Variants in RCOR3 observed in about 807,000 individuals in gnomAD.
RCOR3 encodes REST corepressor 3.
Under a neutral mutation model 64.1 loss-of-function variants are expected in RCOR3, and 13 were observed. The ratio of observed to expected loss-of-function variants is 0.20; its 90% CI spans 0.13 to 0.32. RCOR3 has a LOEUF of 0.32. Ranked by LOEUF, RCOR3 falls within the 10% of genes least tolerant of loss-of-function variation. The probability of loss-of-function intolerance (pLI) is 1.00; values close to 1 mark genes in which losing one functional copy is unlikely to be tolerated. For synonymous variants in RCOR3, 215 were observed against 239.0 expected, an observed-to-expected ratio of 0.90 and a Z score of 0.93; for missense variants, 489 against 701.2, an observed-to-expected ratio of 0.70 and a Z score of 3.42.
chr1:211,299,053 A>G lies in RCOR3; in HGVS notation c.1017+3300A>G, dbSNP rs538197361. On this transcript the variant is annotated intron_variant, in intron 9 of 11. Transcript: ENST00000419091. Reference sequence around the variant, plus strand: ...CCAGAAAGAGAAGTTTGTCTTTTAAATTAAGTCAAATGGAAAGACCCTTTA... The same window carrying G: ...CCAGAAAGAGAAGTTTGTCTTTTAAGTTAAGTCAAATGGAAAGACCCTTTA... Among the ~76,000 whole-genome samples, 13 of 152,296 alleles carry G rather than the reference A, an allele frequency of 8.5e-5. No homozygotes were observed. In the South Asian group the frequency reaches 2.7e-3, roughly 32 times the overall value.
intron 2 of RCOR3, among the ~76,000 whole-genome samples, chr1:211,270,074 T>TA (rs1353848066): frequency 6.6e-6 from 1 of 151,548 alleles, no homozygotes; most frequent in Non-Finnish European, 1.5e-5. Context: ...GACTTTTTTT[T>TA]TTTTTTGAGA....
chr1:211,270,146 C>G (rs1287563307), intron 2 of RCOR3, among the ~76,000 whole-genome samples: 1 of 151,710 alleles, frequency 6.6e-6, no homozygotes, highest in Non-Finnish European at 1.5e-5. Context: ...CACTGGCAAC[C>G]TCTGCCTCCT....
intron 8 of RCOR3, among the ~76,000 whole-genome samples, chr1:211,292,289 T>C (rs1481572927): frequency 6.6e-6 from 1 of 152,244 alleles, no homozygotes; most frequent in African/African-American, 2.4e-5. Context: ...ACGCATCTCA[T>C]ATTTGGTTAA....
At chr1:211,290,437 A>C (rs148085766) in intron 8 of RCOR3, among the ~76,000 whole-genome samples, 73 of 152,326 alleles carry the variant, frequency 4.8e-4, no homozygotes, top group African/African-American at 1.7e-3. Context: ...AATTTCCTTT[A>C]AATCAATTCC....
chr1:211,288,374 T>C (rs933142430), intron 7 of RCOR3, among the ~76,000 whole-genome samples: 26 of 149,738 alleles, frequency 1.7e-4, no homozygotes, highest in Admixed American at 4.7e-4. Flanking sequence ...ATCATTGTTA[T>C]ACTTTTAACT....
In RCOR3 at chr1:211,312,646, G is replaced by A. The variant is rs1156756055; in HGVS notation, c.1076-74G>A. The A allele has an allele frequency of 1.0e-6, 1 of 981,286 alleles. No homozygotes were observed. The highest frequency in any genetic ancestry group is 2.4e-5 in the East Asian group (1 of 41,796). 60.8% of individuals were successfully genotyped at this position (981,286 alleles called of 1,614,324 possible). ...GAATTTCATTGCTGGTATCTTTTGT[G>A]TGTGCATGATGTATAGTACACACAG... On this transcript the variant is annotated intron_variant, in intron 10 of 11. Coordinates refer to ENST00000419091, the MANE Select transcript of RCOR3 (RefSeq NM_001136223.3). This position sits in a 1 kb window ranked among gnomAD's most constrained non-coding sequence, Gnocchi z 5.0.
At chr1:211,274,550 C>A (rs1052665196) in intron 4 of RCOR3, among the ~76,000 whole-genome samples, 2 of 151,914 alleles carry the variant, frequency 1.3e-5, no homozygotes, top group South Asian at 2.1e-4. Flanking sequence ...CAAATGCTTA[C>A]CAAAATGAAA....
chr1:211,290,068 T>C (rs1699057677), intron 8 of RCOR3, among the ~76,000 whole-genome samples: 1 of 152,230 alleles, frequency 6.6e-6, no homozygotes, highest in Non-Finnish European at 1.5e-5. Flanking sequence ...GCTCAGTTAT[T>C]CGTTGCTATT....
chr1:211,283,022 T>C (rs929482999), intron 7 of RCOR3, among the ~76,000 whole-genome samples: 1 of 152,248 alleles, frequency 6.6e-6, no homozygotes, highest in Non-Finnish European at 1.5e-5. Flanking sequence ...TTTTTATTGC[T>C]ATATTATAGT....
chr1:211,259,887 C>T (rs1693891564), intron 1 of RCOR3, 161 bp downstream of exon 1: 4 of 1,034,984 alleles, frequency 3.9e-6, no homozygotes, highest in South Asian at 1.8e-5. Flanking sequence ...CCCCCGCGAC[C>T]CCCCGTCCCT....
intron 7 of RCOR3, among the ~76,000 whole-genome samples, chr1:211,282,140 T>G (rs1430853354): frequency 9.2e-5 from 14 of 152,194 alleles, no homozygotes. Flanking sequence ...ACTCATTTGG[T>G]CTTTTGTTTG....
At chr1:211,284,143 T>G (rs1698205413) in intron 7 of RCOR3, among the ~76,000 whole-genome samples, 1 of 152,008 alleles carries the variant, frequency 6.6e-6, no homozygotes, top group African/African-American at 2.4e-5. Context: ...AAGCCCTACC[T>G]GCCGTGTTCA....
chr1:211,278,370 C>T (rs1344388024), intron 6 of RCOR3, 129 bp downstream of exon 6: 2 of 1,108,214 alleles, frequency 1.8e-6, no homozygotes, highest in Non-Finnish European at 2.6e-6. Flanking sequence ...TGTTTCTACT[C>T]TGACAAGAAG....
chr1:211,259,784 C>G, intron 1 of RCOR3, 58 bp downstream of exon 1: 3 of 1,330,332 alleles, frequency 2.3e-6, no homozygotes, highest in South Asian at 3.0e-5. Context: ...CTTCCCCTCC[C>G]CCAGCCCCCT....
chr1:211,300,698 ACATT>A (rs769738893), intron 9 of RCOR3, among the ~76,000 whole-genome samples: 2 of 152,210 alleles, frequency 1.3e-5, no homozygotes, highest in African/African-American at 4.8e-5. Flanking sequence ...ATTTATCCAG[ACATT>A]CAGTCAAATA....
chr1:211,286,453 G>T (rs1010106466), intron 7 of RCOR3, among the ~76,000 whole-genome samples: 5 of 151,774 alleles, frequency 3.3e-5, no homozygotes, highest in African/African-American at 1.2e-4. Flanking sequence ...GACTACAGGC[G>T]CATGCCACCA....
intron 2 of RCOR3, among the ~76,000 whole-genome samples, chr1:211,263,037 A>C: frequency 1.1e-5 from 1 of 91,778 alleles, no homozygotes. Flanking sequence ...CCCACCCCAC[A>C]ACAGTCCCCA....
chr1:211,264,738 G>GAT (rs1368922148), intron 2 of RCOR3, among the ~76,000 whole-genome samples: 2 of 152,078 alleles, frequency 1.3e-5, no homozygotes, highest in Non-Finnish European at 2.9e-5. Flanking sequence ...GAAGAATTGA[G>GAT]ATTTATATTG....
chr1:211,267,358 C>T (rs1338497575), intron 2 of RCOR3, among the ~76,000 whole-genome samples: 19 of 152,172 alleles, frequency 1.2e-4, no homozygotes, highest in Non-Finnish European at 1.0e-4. Context: ...TCAGTCATCT[C>T]TTGGGCCTAG....
Sources: gnomAD v4.1 joint callset for allele counts (sites outside exome capture counted in the v4.1 genomes callset) on GRCh38, gnomAD v4.1.1 for gene constraint, Gnocchi (gnomAD v3.1) non-coding constraint, MANE v1.5 for transcripts, NCBI Gene and HGNC (gene_info 2026-07-23, HGNC 2026-07-21) for gene names.